The following FSIP1 variants were observed in gnomAD, a reference collection of about 807,000 sequenced individuals.
The protein encoded by FSIP1 is fibrous sheath-interacting protein 1.
Under a neutral mutation model 60.9 loss-of-function variants are expected in FSIP1, and 65 were observed. The ratio of observed to expected loss-of-function variants is 1.07; its 90% confidence interval spans 0.87 to 1.31. The LOEUF is 1.31. FSIP1 is among the 40% of genes most tolerant of loss of function. The probability of loss-of-function intolerance (pLI) is 0.00; values close to 1 mark genes in which losing one functional copy is unlikely to be tolerated. For missense variants in FSIP1, 675 were observed against 665.5 expected (o/e 1.01, Z -0.16); for synonymous variants, 209 against 221.2 (o/e 0.94, Z 0.49).
intron 3 of FSIP1, among the ~76,000 whole-genome samples, chr15:39,767,233 C>T (rs1302434817): frequency 1.3e-5 from 2 of 152,180 alleles, no homozygotes; most frequent in African/African-American, 4.8e-5. Context: ...TTCCTTGAAT[C>T]TTATTGCTTA....
At chr15:39,678,656 C>T (rs1894039674) in intron 10 of FSIP1, among the ~76,000 whole-genome samples, 5 of 152,162 alleles carry the variant, frequency 3.3e-5, no homozygotes, top group Admixed American at 1.3e-4. Flanking sequence ...AATCCTACTA[C>T]TAATTCTTAA....
At chr15:39,757,318 C>G (rs1897330356) in intron 5 of FSIP1, among the ~76,000 whole-genome samples, 1 of 151,854 alleles carries the variant, frequency 6.6e-6, no homozygotes, top group South Asian at 2.1e-4. Flanking sequence ...AGCTTCGTAC[C>G]ACCTTATGAT....
intron 11 of FSIP1, among the ~76,000 whole-genome samples, chr15:39,616,216 T>G (rs11070225): frequency 0.21 from 31,234 of 152,160 alleles, 4,013 homozygotes; most frequent in African/African-American, 0.35. Flanking sequence ...ATGTAAAGAA[T>G]AAATGTGAAC....
intron 10 of FSIP1, among the ~76,000 whole-genome samples, chr15:39,666,844 C>G (rs886341936): frequency 6.6e-6 from 1 of 152,194 alleles, no homozygotes; most frequent in African/African-American, 2.4e-5. Context: ...CCAGACATTC[C>G]ATGAGTTTCC....
chr15:39,726,596 T>G lies in FSIP1; in HGVS notation c.1043A>C (p.Asn348Thr), dbSNP rs773965852. The G allele has an allele frequency of 7.4e-6, 12 of 1,613,998 alleles. No individual in the cohort carries two copies. Among genetic ancestry groups the G allele is most frequent in the Admixed American group, 6.7e-5 (4 of 60,002 alleles). ...SSFSPRLENR[N>T]NQKPDRDGER... ...TATGGGTTCTTCAAATACCTGATTA[T>G]TCCGATTTTCAAGTCTTGGAGAAAA... Residue 348 changes from asparagine to threonine, a missense_variant, in exon 9 of 12, where the codon AAT (asparagine) becomes ACT (threonine). Physicochemically the swap from Asn to Thr is moderately conservative, Grantham distance 65 (BLOSUM62 0). Transcript: ENST00000350221.
In FSIP1 at chr15:39,618,094, G is replaced by A. The variant is rs950744731; in HGVS notation, c.1340C>T (p.Ser447Phe). The change falls in exon 11 of 12, where the codon TCC (serine) becomes TTC (phenylalanine). Residue 447 changes from serine to phenylalanine, a missense_variant. Ser to Phe is a radical substitution (Grantham distance 155). Coordinates refer to ENST00000350221, the MANE Select transcript of FSIP1 (RefSeq NM_152597.5). ...VTPVFPQLSR[S>F]IISKLLNESE... ...TTCATTTAGCAATTTAGAGATGATG[G>A]ACCTGGAAAGCTGGGGGAACACAGG... 6 of 1,614,144 alleles carry A rather than the reference G, an allele frequency of 3.7e-6. No individual in the cohort carries two copies. Among genetic ancestry groups the A allele is most frequent in the East Asian group, 4.5e-5 (2 of 44,874 alleles).
At chr15:39,775,245 C>T (rs1898014406) in intron 2 of FSIP1, among the ~76,000 whole-genome samples, 2 of 151,934 alleles carry the variant, frequency 1.3e-5, no homozygotes, top group Non-Finnish European at 2.9e-5. Flanking sequence ...CTCTTGTATT[C>T]AATCCCCTTC....
chr15:39,744,900 G>A (rs948655436), intron 5 of FSIP1, among the ~76,000 whole-genome samples: 6 of 151,972 alleles, frequency 3.9e-5, no homozygotes, highest in African/African-American at 1.2e-4. Flanking sequence ...TGATGAGGGG[G>A]TGGCATAGAG....
chr15:39,719,395 G>C (rs1403238793), intron 9 of FSIP1, among the ~76,000 whole-genome samples: 1 of 152,200 alleles, frequency 6.6e-6, no homozygotes, highest in Non-Finnish European at 1.5e-5. Flanking sequence ...AACTGTCCCT[G>C]AGGCCAAGAT....
intron 10 of FSIP1, among the ~76,000 whole-genome samples, chr15:39,619,919 G>A (rs377134539): frequency 3.3e-5 from 5 of 152,260 alleles, no homozygotes; most frequent in Admixed American, 1.3e-4. Flanking sequence ...GGGTAGGAGG[G>A]AGGATTGGTA....
At chr15:39,722,008 TG>T (rs2140577961) in intron 9 of FSIP1, among the ~76,000 whole-genome samples, 1 of 152,242 alleles carries the variant, frequency 6.6e-6, no homozygotes, top group Non-Finnish European at 1.5e-5. Context: ...GTAGATGGCT[TG>T]TTAGGAACCG....
At chr15:39,644,784 G>A (rs1892525063) in intron 10 of FSIP1, among the ~76,000 whole-genome samples, 1 of 152,022 alleles carries the variant, frequency 6.6e-6, no homozygotes. Context: ...TTTTATAGCT[G>A]GCATCTCATT....
At chr15:39,740,343 CT>C (rs1318884276) in intron 6 of FSIP1, among the ~76,000 whole-genome samples, 1 of 152,150 alleles carries the variant, frequency 6.6e-6, no homozygotes, top group Non-Finnish European at 1.5e-5. Context: ...TTTCCTCAAC[CT>C]TTTGGAAGAG....
intron 10 of FSIP1, among the ~76,000 whole-genome samples, chr15:39,628,103 G>A (rs970026576): frequency 1.3e-5 from 2 of 152,214 alleles, no homozygotes; most frequent in Non-Finnish European, 2.9e-5. Context: ...GATGCTTCAG[G>A]ATCCTTGGGG....
intron 9 of FSIP1, among the ~76,000 whole-genome samples, chr15:39,717,352 T>A (rs1405904758): frequency 6.6e-6 from 1 of 152,084 alleles, no homozygotes; most frequent in Admixed American, 6.5e-5. Context: ...CTGGTTAGGT[T>A]TAGTCAAAGT....
At chr15:39,667,828 G>C (rs1055261467) in intron 10 of FSIP1, among the ~76,000 whole-genome samples, 12 of 152,292 alleles carry the variant, frequency 7.9e-5, no homozygotes, top group Admixed American at 2.0e-4. Flanking sequence ...GAAGCAAGAG[G>C]GGCAAAGCCT....
intron 10 of FSIP1, among the ~76,000 whole-genome samples, chr15:39,640,434 G>C (rs1202002517): frequency 6.6e-6 from 1 of 152,174 alleles, no homozygotes; most frequent in Admixed American, 6.5e-5. Context: ...TTTGGGACCT[G>C]TGGTAATGTC....
At chr15:39,678,525 A>G (rs12912555) in intron 10 of FSIP1, among the ~76,000 whole-genome samples, 4,837 of 152,308 alleles carry the variant, frequency 0.032, 98 homozygotes, top group Middle Eastern at 0.065. Context: ...ATATAAAAAC[A>G]TTCGTATTTA....
chr15:39,722,137 C>G (rs28514641), intron 9 of FSIP1, among the ~76,000 whole-genome samples: 18,056 of 152,070 alleles, frequency 0.12, 1,310 homozygotes, highest in African/African-American at 0.2. Context: ...AGCGGCATTA[C>G]ATTCTCACAG....
Sources: gnomAD v4.1 joint callset for allele counts (sites outside exome capture counted in the v4.1 genomes callset) on GRCh38, gnomAD v4.1.1 for gene constraint, MANE v1.5 for transcripts, NCBI Gene and HGNC (gene_info 2026-07-23, HGNC 2026-07-21) for gene names.